Variants in DEPTOR observed in about 807,000 individuals in gnomAD.
DEPTOR encodes DEP domain containing MTOR interacting protein.
In DEPTOR, 41 loss-of-function variants were observed where a neutral mutation model predicts 41.6. The ratio of observed to expected loss-of-function variants is 0.98; its 90% CI spans 0.77 to 1.28. DEPTOR has a LOEUF of 1.28. DEPTOR is among the 50% of genes most tolerant of loss of function. DEPTOR has a pLI of 0.00. For synonymous variants in DEPTOR, 195 were observed against 192.3 expected (o/e 1.01, Z -0.12); for missense variants, 514 against 527.9 (o/e 0.97, Z 0.26).
intron 8 of DEPTOR, among the ~76,000 whole-genome samples, chr8:120,012,856 A>G (rs1304509158): frequency 6.6e-6 from 1 of 151,544 alleles, no homozygotes; most frequent in Non-Finnish European, 1.5e-5. Context: ...CTTTATTACA[A>G]TCTTATAAGA....
At chr8:119,881,428 G>T (rs530131298) in intron 1 of DEPTOR, among the ~76,000 whole-genome samples, 2 of 152,128 alleles carry the variant, frequency 1.3e-5, no homozygotes, top group East Asian at 3.9e-4. Context: ...GGAGGCTGAG[G>T]CAGGAGAATC....
intron 3 of DEPTOR, among the ~76,000 whole-genome samples, chr8:119,962,645 G>A (rs762815248): frequency 6.6e-6 from 1 of 152,198 alleles, no homozygotes; most frequent in Non-Finnish European, 1.5e-5. Flanking sequence ...AACAGGGGAA[G>A]GACATTATCA....
chr8:119,918,687 T>C (rs928191966), intron 1 of DEPTOR, among the ~76,000 whole-genome samples: 1 of 152,116 alleles, frequency 6.6e-6, no homozygotes, highest in African/African-American at 2.4e-5. Flanking sequence ...TCTTGATCTC[T>C]TGACCTTGTG....
At position 120,004,390 on chromosome 8, in the gene DEPTOR, T is replaced by C. The variant is rs73705873; in HGVS notation, c.925+1279T>C. On this transcript the variant is annotated intron_variant, in intron 6 of 8. Transcript: ENST00000286234. ...GGGTTTTTCAATTACTGGAGCTTGC[T>C]GCTAAAGTAGAATGAAAAAGGAGAA... Among the ~76,000 whole-genome samples the C allele has an allele frequency of 2.8e-3, 434 of 152,312 alleles. 2 individuals carry two copies. The highest frequency in any genetic ancestry group is 0.01 in the African/African-American group (416 of 41,572).
chr8:120,009,599 C>T (rs1372143818), intron 8 of DEPTOR, among the ~76,000 whole-genome samples: 4 of 150,868 alleles, frequency 2.7e-5, no homozygotes, highest in Non-Finnish European at 5.9e-5. Context: ...GGTGACAAAG[C>T]GAGACTCTGT....
intron 5 of DEPTOR, among the ~76,000 whole-genome samples, chr8:120,002,409 A>T (rs551630305): frequency 6.6e-6 from 1 of 152,216 alleles, no homozygotes; most frequent in East Asian, 1.9e-4. Flanking sequence ...AAGTGCTGGG[A>T]TTACAGGTGT....
rs1215067826 is a variant in DEPTOR, at chr8:120,050,566, G to C, written c.*862G>C. 6.6e-6 allele frequency: 1 copy of C among 152,144 alleles called. No individual in the cohort carries two copies. The highest frequency in any genetic ancestry group is 1.5e-5 in the Non-Finnish European group (1 of 68,022). The allele number at this position is 152,144 out of a possible 1,614,324, so 9.4% of individuals were successfully genotyped here. ...GTTTTTAAGGGAAGGCTAAAACTTT[G>C]CTGATATGTGATAAAACTTGAACTC... On this transcript the variant is annotated 3_prime_UTR_variant, in exon 9 of 9. Coordinates refer to ENST00000286234, the MANE Select transcript of DEPTOR (RefSeq NM_022783.4).
chr8:120,049,538 G>A (rs775650153), intron 8 of DEPTOR, 38 bp from the exon 9 acceptor site: 52 of 1,604,408 alleles, frequency 3.2e-5, no homozygotes, highest in Middle Eastern at 1.7e-4. Context: ...AAAACCAGGC[G>A]CTATAATAGA....
chr8:119,956,616 A>G (rs543168071), intron 3 of DEPTOR, among the ~76,000 whole-genome samples: 2 of 151,798 alleles, frequency 1.3e-5, no homozygotes, highest in Non-Finnish European at 2.9e-5. Context: ...GATAAAGGCC[A>G]GGAGTCTGTG....
At chr8:119,912,353 C>T (rs960150676) in intron 1 of DEPTOR, among the ~76,000 whole-genome samples, 1 of 152,192 alleles carries the variant, frequency 6.6e-6, no homozygotes, top group East Asian at 1.9e-4. Context: ...GAAGAAACAA[C>T]ACCTGTTTCA....
chr8:120,031,171 A>T (rs1223943129), intron 8 of DEPTOR, among the ~76,000 whole-genome samples: 8 of 152,022 alleles, frequency 5.3e-5, no homozygotes, highest in Non-Finnish European at 7.4e-5. Flanking sequence ...TCTCTACAAA[A>T]AATTATTTTT....
At chr8:119,928,607 T>C in intron 2 of DEPTOR, 29 bp downstream of exon 2, 1 of 1,604,448 alleles carries the variant, frequency 6.2e-7, no homozygotes, top group South Asian at 1.1e-5. Context: ...CAAGGTGACT[T>C]GAGAGAAATG....
chr8:120,017,055 C>T (rs769905417), intron 8 of DEPTOR, among the ~76,000 whole-genome samples: 1 of 152,080 alleles, frequency 6.6e-6, no homozygotes, highest in Non-Finnish European at 1.5e-5. Context: ...AATGTAGAGC[C>T]CTTGTCTGTC....
At chr8:119,925,148 G>GGGAGGCCGAGGTGGGTGGATCACT in intron 1 of DEPTOR, among the ~76,000 whole-genome samples, 1 of 152,182 alleles carries the variant, frequency 6.6e-6, no homozygotes, top group African/African-American at 2.4e-5. Context: ...ACAGCACTTT[G>GGGAGGCCGAGGTGGGTGGATCACT]GGAGGCCGAG....
At position 120,009,133 on chromosome 8, in the gene DEPTOR, G is replaced by C; in HGVS notation, c.1101G>C (p.Lys367Asn). The change falls in exon 8 of 9, where the codon AAG (lysine) becomes AAC (asparagine). Residue 367 changes from lysine (K) to asparagine (N), a missense_variant and splice_region_variant. Coordinates refer to ENST00000286234, the MANE Select transcript of DEPTOR (RefSeq NM_022783.4). ...PSGPAAAAGM[K>N]VCQFVVSVNG... ...GCCCTGCAGCCGCAGCAGGAATGAA[G>C]GTACTAACGGGTCTTTCTCACCCTC... The C allele has an allele frequency of 3.7e-6, 6 of 1,613,158 alleles. No individual in the cohort carries two copies. The highest frequency in any genetic ancestry group is 5.1e-6 in the Non-Finnish European group (6 of 1,179,612).
intron 4 of DEPTOR, among the ~76,000 whole-genome samples, chr8:120,000,682 C>A (rs1366670735): frequency 6.6e-6 from 1 of 150,816 alleles, no homozygotes; most frequent in Non-Finnish European, 1.5e-5. Flanking sequence ...AGGCTGGTGT[C>A]AAACTCCTGA....
chr8:119,967,032 G>A (rs947166486), intron 4 of DEPTOR, among the ~76,000 whole-genome samples: 1 of 152,064 alleles, frequency 6.6e-6, no homozygotes, highest in Non-Finnish European at 1.5e-5. Context: ...CCTCCTGGGT[G>A]TAGGGCAGGA....
At chr8:119,944,169 A>C (rs750547200) in intron 3 of DEPTOR, among the ~76,000 whole-genome samples, 92 of 152,296 alleles carry the variant, frequency 6.0e-4, no homozygotes, top group Non-Finnish European at 1.2e-3. Context: ...ACCCATTTGC[A>C]TAGCCTTGTT....
intron 3 of DEPTOR, among the ~76,000 whole-genome samples, chr8:119,930,330 G>A (rs970146508): frequency 6.6e-6 from 1 of 152,030 alleles, no homozygotes; most frequent in African/African-American, 2.4e-5. Context: ...TCCGTCTTCT[G>A]GGTTCAAGTG....
Sources: gnomAD v4.1 joint callset for allele counts (sites outside exome capture counted in the v4.1 genomes callset) on GRCh38, gnomAD v4.1.1 for gene constraint, MANE v1.5 for transcripts, NCBI Gene and HGNC (gene_info 2026-07-23, HGNC 2026-07-21) for gene names.